ATP8A2: variants seen among roughly 807,000 people sequenced by gnomAD.
ATP8A2 encodes the protein phospholipid-transporting ATPase IB.
ATP8A2 carries 100 observed loss-of-function variants against 165.6 expected under a neutral mutation model. The observed-to-expected ratio is 0.60, with a 90% CI of 0.51 to 0.71. The LOEUF (loss-of-function observed/expected upper bound fraction) is 0.71. Ranked by LOEUF, ATP8A2 falls within the 30% of genes least tolerant of loss-of-function variation. ATP8A2 has a pLI of 0.00. For synonymous variants in ATP8A2, 543 were observed against 548.8 expected (o/e 0.99, Z 0.15); for missense variants, 1,227 against 1,479.5 (o/e 0.83, Z 2.80).
intron 33 of ATP8A2, among the ~76,000 whole-genome samples, chr13:25,958,312 AATT>A (rs1482048770): frequency 6.6e-6 from 1 of 151,180 alleles, no homozygotes; most frequent in Non-Finnish European, 1.5e-5. Flanking sequence ...AAAAAAAAAA[AATT>A]AACCTTTTCT....
At chr13:25,535,270 T>C (rs2038242125) in intron 6 of ATP8A2, among the ~76,000 whole-genome samples, 3 of 152,130 alleles carry the variant, frequency 2.0e-5, no homozygotes, top group African/African-American at 7.2e-5. Flanking sequence ...TAATCTGAAG[T>C]GCTGAAGCTC....
Position 25,953,051 on chromosome 13 carries a change from G to A in ATP8A2, c.3184-8524G>A, listed in dbSNP as rs1036792225. 1.3e-5 allele frequency among the ~76,000 whole-genome samples: 2 copies of A among 152,188 alleles called. No homozygotes were observed. The highest frequency in any genetic ancestry group is 2.9e-5 in the Non-Finnish European group (2 of 68,030). On this transcript the variant is annotated intron_variant, in intron 33 of 36. Transcript: ENST00000381655. The surrounding 1 kb of genome is among the most constrained non-coding windows in gnomAD (Gnocchi z 6.7). ...GGGCAAGGAGGGCTGAGAAGAGAAG[G>A]TGGCAATGGCAACTGCAAGGGTTCT...
chr13:25,568,297 T>TAAGA (rs2039373593), intron 16 of ATP8A2, among the ~76,000 whole-genome samples: 1 of 152,208 alleles, frequency 6.6e-6, no homozygotes, highest in African/African-American at 2.4e-5. Flanking sequence ...TATAACTTTC[T>TAAGA]TTTGAATCAT....
chr13:25,651,956 T>A (rs951344993), intron 24 of ATP8A2, among the ~76,000 whole-genome samples: 37 of 152,138 alleles, frequency 2.4e-4, no homozygotes, highest in Non-Finnish European at 3.2e-4. Context: ...TTAAAAAAAT[T>A]TTTTTAACAT....
intron 33 of ATP8A2, among the ~76,000 whole-genome samples, chr13:25,960,973 G>T (rs975593247): frequency 1.3e-5 from 2 of 152,108 alleles, no homozygotes; most frequent in Admixed American, 6.5e-5. Context: ...CTCATACTCT[G>T]TCGTCTTTAA....
At chr13:25,559,685 G>A (rs942626663) in intron 14 of ATP8A2, 36 bp from the exon 15 acceptor site, 4 of 1,573,590 alleles carry the variant, frequency 2.5e-6, no homozygotes, top group Non-Finnish European at 3.5e-6. Context: ...TTTGATCACA[G>A]TTTTGTGACC....
chr13:25,771,186 G>A (rs2044611540), intron 26 of ATP8A2, among the ~76,000 whole-genome samples: 1 of 152,218 alleles, frequency 6.6e-6, no homozygotes, highest in Non-Finnish European at 1.5e-5. Flanking sequence ...TTATAGGTGG[G>A]AAAACCGGGG....
In ATP8A2 at chr13:25,469,073, T is replaced by C. The variant is rs1489968306; in HGVS notation, c.173T>C (p.Ile58Thr). The C allele has an allele frequency of 1.2e-6, 2 of 1,613,894 alleles. No individual in the cohort carries two copies. The highest frequency in any genetic ancestry group is 1.3e-5 in the African/African-American group (1 of 74,928). ...CAGCTGGAGGCACCCGCCCGCACCATTTACCTCAACCAACCGCATCTCAAC... is the reference window on the plus strand; with the variant it reads ...CAGCTGGAGGCACCCGCCCGCACCACTTACCTCAACCAACCGCATCTCAAC... Reference protein sequence around the residue: ...GDQLEAPARTIYLNQPHLNKF... With the variant: ...GDQLEAPARTTYLNQPHLNKF... Residue 58 changes from isoleucine to threonine, a missense_variant, in exon 2 of 37, where the codon ATT (isoleucine) becomes ACT (threonine). Ile to Thr is a moderately conservative substitution (Grantham distance 89). Coordinates refer to ENST00000381655, the MANE Select transcript of ATP8A2 (RefSeq NM_016529.6).
chr13:26,003,496 G>A (rs1173598162), intron 35 of ATP8A2, among the ~76,000 whole-genome samples: 2 of 151,940 alleles, frequency 1.3e-5, no homozygotes, highest in Non-Finnish European at 2.9e-5. Context: ...TCTGTTGATT[G>A]TTTCCTTTGC....
At chr13:26,011,140 G>C (rs1438284060) in intron 35 of ATP8A2, among the ~76,000 whole-genome samples, 1 of 152,188 alleles carries the variant, frequency 6.6e-6, no homozygotes, top group Non-Finnish European at 1.5e-5. Context: ...AACGTAAGGG[G>C]GGTCTGTATT....
At chr13:25,800,422 G>A (rs761569604) in intron 27 of ATP8A2, among the ~76,000 whole-genome samples, 7 of 152,210 alleles carry the variant, frequency 4.6e-5, no homozygotes, top group East Asian at 3.9e-4. Flanking sequence ...AGATGCTCAC[G>A]CCAGACATTA....
chr13:25,552,513 T>C (rs1201228912), intron 11 of ATP8A2, among the ~76,000 whole-genome samples: 1 of 152,224 alleles, frequency 6.6e-6, no homozygotes, highest in Non-Finnish European at 1.5e-5. Flanking sequence ...AATTATACTA[T>C]CTTTTATAAA....
chr13:26,005,636 A>G (rs1956722944), intron 35 of ATP8A2, among the ~76,000 whole-genome samples: 2 of 151,858 alleles, frequency 1.3e-5, no homozygotes, highest in South Asian at 2.1e-4. Flanking sequence ...CTGTGTTTCC[A>G]TTTTCATTTG....
At chr13:25,593,550 G>GT (rs2040151892) in intron 24 of ATP8A2, among the ~76,000 whole-genome samples, 2 of 152,168 alleles carry the variant, frequency 1.3e-5, no homozygotes, top group African/African-American at 4.8e-5. Context: ...TGGAAAAAAA[G>GT]TTGTGGTTTC....
chr13:25,730,805 G>T (rs2043604025), intron 25 of ATP8A2, among the ~76,000 whole-genome samples: 1 of 152,018 alleles, frequency 6.6e-6, no homozygotes, highest in South Asian at 2.1e-4. Flanking sequence ...CCAGGCATGA[G>T]TGGCTCACAC....
intron 10 of ATP8A2, among the ~76,000 whole-genome samples, chr13:25,546,368 G>A (rs531064277): frequency 6.6e-6 from 1 of 152,262 alleles, no homozygotes; most frequent in East Asian, 1.9e-4. Flanking sequence ...CTTTAGGGCT[G>A]AAACAACAGG....
Position 25,447,070 on chromosome 13 carries a change from C to T in ATP8A2, c.77-21907C>T, listed in dbSNP as rs184835082. On this transcript the variant is annotated intron_variant, in intron 1 of 36. Transcript: ENST00000381655. ...AAAACAATTAGAACATTCCTAATTGCGTTAAATGTTAACTTCAAATTGCTT... is the reference window on the plus strand; with the variant it reads ...AAAACAATTAGAACATTCCTAATTGTGTTAAATGTTAACTTCAAATTGCTT... Among the ~76,000 whole-genome samples, 743 of 152,180 alleles carry T rather than the reference C, an allele frequency of 4.9e-3. 5 individuals carry two copies. Among genetic ancestry groups the T allele is most frequent in the African/African-American group, 0.017 (714 of 41,518 alleles).
chr13:25,453,195 C>T (rs944139680), intron 1 of ATP8A2, among the ~76,000 whole-genome samples: 10 of 151,720 alleles, frequency 6.6e-5, no homozygotes, highest in African/African-American at 9.7e-5. Flanking sequence ...GGTATGATCT[C>T]GGCTCACTGC....
chr13:25,991,991 A>G (rs1593682972), intron 35 of ATP8A2, among the ~76,000 whole-genome samples: 2 of 148,064 alleles, frequency 1.4e-5, no homozygotes, highest in African/African-American at 5.0e-5. Context: ...ACATTAGTGG[A>G]GGGTTACCTG....
Sources: allele counts gnomAD v4.1 joint callset (sites outside exome capture counted in the v4.1 genomes callset), GRCh38; gene constraint gnomAD v4.1.1; non-coding constraint Gnocchi (gnomAD v3.1); transcripts MANE v1.5; gene names NCBI Gene and HGNC (gene_info 2026-07-23, HGNC 2026-07-21).